EPS8: variants seen among roughly 807,000 people sequenced by gnomAD.
The protein encoded by EPS8 is EGFR pathway substrate 8, signaling adaptor, also known as epidermal growth factor receptor kinase substrate 8.
A neutral mutation model predicts 103.8 loss-of-function variants in EPS8; 42 were observed. The observed-to-expected ratio is 0.40, with a 90% CI of 0.32 to 0.52. The LOEUF (loss-of-function observed/expected upper bound fraction) is 0.52. Among genes scored for constraint, EPS8 ranks in the 20% least tolerant of loss-of-function variants. The pLI is 0.40. For synonymous variants in EPS8, 344 were observed against 344.6 expected, an observed-to-expected ratio of 1.00 and a Z score of 0.02; for missense variants, 969 against 1,005.1, an observed-to-expected ratio of 0.96 and a Z score of 0.49.
At chr12:15,622,052 G>A (rs1302105825) in intron 20 of EPS8, among the ~76,000 whole-genome samples, 1 of 152,158 alleles carries the variant, frequency 6.6e-6, no homozygotes, top group Non-Finnish European at 1.5e-5. Flanking sequence ...AATAGGAAGA[G>A]AACAAGAAGC....
At chr12:15,647,402 A>C in intron 14 of EPS8, 142 bp from the exon 15 acceptor site, 1 of 674,486 alleles carries the variant, frequency 1.5e-6, no homozygotes, top group Non-Finnish European at 2.4e-6. Flanking sequence ...ACATTATCAA[A>C]TGGGAGTGAC....
At position 15,666,499 on chromosome 12, in the gene EPS8, A is replaced by C. The variant is rs1388157592; in HGVS notation, c.540T>G (p.Ile180Met). ...EVKANLISED[I>M]ESAISDSKGG... is the part of the protein sequence containing the mutation. ...CTTTACTGTCACTGATTGCACTTTCAATATCTTCACTAATTAGGTTTGCCT... is the reference window on the plus strand; with the variant it reads ...CTTTACTGTCACTGATTGCACTTTCCATATCTTCACTAATTAGGTTTGCCT... The change falls in exon 7 of 21, where the codon ATT becomes ATG. Residue 180 changes from isoleucine to methionine, a missense_variant. Ile to Met is a conservative substitution (Grantham distance 10, BLOSUM62 1). Transcript: ENST00000281172. The C allele has an allele frequency of 6.2e-7, 1 of 1,613,804 alleles. No individual in the cohort carries two copies. The highest frequency in any genetic ancestry group is 1.1e-5 in the South Asian group (1 of 91,070).
At position 15,761,062 on chromosome 12, in the gene EPS8, A is replaced by G. The variant is rs1231219544; in HGVS notation, c.-22+28099T>C. Among the ~76,000 whole-genome samples, 2 of 152,114 alleles carry G rather than the reference A, an allele frequency of 1.3e-5. No individual in the cohort carries two copies. The highest frequency in any genetic ancestry group is 2.9e-5 in the Non-Finnish European group (2 of 67,984). On this transcript the variant is annotated intron_variant, in intron 1 of 20. Transcript: ENST00000281172. The surrounding 1 kb of genome is among the most constrained non-coding windows in gnomAD (Gnocchi z 4.5). ...TGGAAAAACCTAAAGACACCACATC[A>G]AAAACTATTAAAACTGATAAATTCA...
chr12:15,741,037 C>A (rs996261081), intron 1 of EPS8, among the ~76,000 whole-genome samples: 1 of 152,116 alleles, frequency 6.6e-6, no homozygotes, highest in Non-Finnish European at 1.5e-5. Flanking sequence ...AATTGGACTG[C>A]CCACAAAGAA....
chr12:15,698,366 A>G lies in EPS8; in HGVS notation c.-21-15394T>C, dbSNP rs1946268058. 6.6e-6 allele frequency among the ~76,000 whole-genome samples: 1 copy of G among 152,154 alleles called. No homozygotes were observed. Among genetic ancestry groups the G allele is most frequent in the Admixed American group, 6.5e-5 (1 of 15,280 alleles). On this transcript the variant is annotated intron_variant, in intron 1 of 20. Transcript: ENST00000281172. This position sits in a 1 kb window ranked among gnomAD's most constrained non-coding sequence, Gnocchi z 4.9. Reference sequence around the variant, plus strand: ...AAAAAATTCAGCAGCTCTAGCTTCTAACGAGAACTACTCAAGGAAAAGAAC... The same window carrying G: ...AAAAAATTCAGCAGCTCTAGCTTCTGACGAGAACTACTCAAGGAAAAGAAC...
At chr12:15,643,692 T>C (rs1164061577) in intron 15 of EPS8, among the ~76,000 whole-genome samples, 4 of 144,584 alleles carry the variant, frequency 2.8e-5, no homozygotes, top group African/African-American at 7.9e-5. Context: ...TAGGCCGATA[T>C]CGTGCCATTG....
rs1202498798 is a variant in EPS8, at chr12:15,751,053, A to C, written c.-22+38108T>G. On this transcript the variant is annotated intron_variant, in intron 1 of 20. Transcript: ENST00000281172. The surrounding 1 kb of genome is among the most constrained non-coding windows in gnomAD (Gnocchi z 4.3). ...ACAATAAGGACCAAATCCTTAGTTC[A>C]GCATTCAAGAATCCACATTATCACC... Among the ~76,000 whole-genome samples the C allele has an allele frequency of 1.3e-5, 2 of 152,186 alleles. No individual in the cohort carries two copies. Among genetic ancestry groups the C allele is most frequent in the Non-Finnish European group, 2.9e-5 (2 of 68,032 alleles).
intron 1 of EPS8, among the ~76,000 whole-genome samples, chr12:15,788,786 G>A (rs1381379589): frequency 2.0e-5 from 3 of 152,212 alleles, no homozygotes; most frequent in African/African-American, 7.2e-5. Context: ...CAAGTCTAAC[G>A]TAATAAGCCG....
intron 9 of EPS8, 41 bp downstream of exon 9, chr12:15,661,985 A>G (rs536986966): frequency 1.4e-6 from 2 of 1,431,998 alleles, no homozygotes; most frequent in African/African-American, 1.4e-5. Context: ...TTTTCCTCTT[A>G]AAAGAAAAGC....
rs769820275 is a variant in EPS8, at chr12:15,669,454, G to A, written c.449C>T (p.Ala150Val). Residue 150 changes from alanine (A) to valine (V), a missense_variant, in exon 6 of 21, where the codon GCA becomes GTA. Transcript: ENST00000281172. ...MHSCSYDSVL[A>V]LVCKEPTQNK... is the part of the protein sequence containing the mutation. ...CTGGGTTGGCTCTTTGCACACCAGTGCAAGAACTGAATCATAGCTGCATGA... is the reference window on the plus strand; with the variant it reads ...CTGGGTTGGCTCTTTGCACACCAGTACAAGAACTGAATCATAGCTGCATGA... 20 of 1,613,910 alleles carry A rather than the reference G, an allele frequency of 1.2e-5. No individual in the cohort carries two copies. In the Admixed American group the frequency reaches 3.0e-4, roughly 24 times the overall value.
intron 1 of EPS8, among the ~76,000 whole-genome samples, chr12:15,768,177 C>T (rs1339925354): frequency 3.3e-5 from 5 of 151,998 alleles, no homozygotes; most frequent in South Asian, 2.1e-4. Flanking sequence ...CGGTGGCTCA[C>T]GTTTGTAATC....
chr12:15,628,357 CA>C (rs1318536013), intron 18 of EPS8, among the ~76,000 whole-genome samples: 1 of 152,066 alleles, frequency 6.6e-6, no homozygotes, highest in African/African-American at 2.4e-5. Context: ...CCAGGAAGGA[CA>C]AAAAAACCTC....
At chr12:15,723,685 TA>T (rs1394578287) in intron 1 of EPS8, among the ~76,000 whole-genome samples, 1 of 152,176 alleles carries the variant, frequency 6.6e-6, no homozygotes, top group Non-Finnish European at 1.5e-5. Flanking sequence ...ATCCTTAAGT[TA>T]AAAACCACAT....
intron 15 of EPS8, among the ~76,000 whole-genome samples, chr12:15,646,920 G>C (rs917973064): frequency 3.3e-5 from 5 of 152,200 alleles, no homozygotes; most frequent in South Asian, 2.1e-4. Context: ...AAAGGCATTT[G>C]CACTAAATGG....
chr12:15,670,033 C>A (rs1436016876), intron 4 of EPS8, among the ~76,000 whole-genome samples: 1 of 152,106 alleles, frequency 6.6e-6, no homozygotes, highest in Non-Finnish European at 1.5e-5. Flanking sequence ...GGTGTTTTGA[C>A]TCATAAGATA....
At chr12:15,687,942 A>G (rs564173249) in intron 1 of EPS8, among the ~76,000 whole-genome samples, 3 of 152,356 alleles carry the variant, frequency 2.0e-5, no homozygotes, top group Non-Finnish European at 4.4e-5. Flanking sequence ...TGCTAAATGC[A>G]TTCTATTGTC....
intron 17 of EPS8, among the ~76,000 whole-genome samples, 177 bp downstream of exon 17, chr12:15,640,526 T>G (rs1945210113): frequency 6.6e-6 from 1 of 152,214 alleles, no homozygotes. Flanking sequence ...AGAAAACATA[T>G]GTGTAATTCT....
In EPS8 at chr12:15,638,316, C is replaced by A. The variant is rs536124852; in HGVS notation, c.1821+2387G>T. The stretch of plus-strand genomic sequence containing the variant: ...TTATAAATGTTTTGAGAATAGGAAT[C>A]CTTTTAGAGTAGGATTTATGCCAGA... On this transcript the variant is annotated intron_variant, in intron 17 of 20. Transcript: ENST00000281172. Among the ~76,000 whole-genome samples the A allele has an allele frequency of 5.3e-5, 8 of 152,032 alleles. No homozygotes were observed. The East Asian group carries it at 1.4e-3, about 26-fold the overall frequency.
Position 15,779,038 on chromosome 12 carries a change from C to T in EPS8, c.-22+10123G>A, listed in dbSNP as rs1306888254. 3.3e-5 allele frequency among the ~76,000 whole-genome samples: 5 copies of T among 152,052 alleles called. No individual in the cohort carries two copies. The highest frequency in any genetic ancestry group is 7.2e-5 in the African/African-American group (3 of 41,386). On this transcript the variant is annotated intron_variant, in intron 1 of 20. Coordinates refer to ENST00000281172, the MANE Select transcript of EPS8 (RefSeq NM_004447.6). This position sits in a 1 kb window ranked among gnomAD's most constrained non-coding sequence, Gnocchi z 4.3. ...TGTTGCCCAGGCTGGAGTGCAATGG[C>T]GCCATCTTGGCTCACCACAACCTCC... is the stretch of plus-strand genomic sequence containing the variant.
Sources: gnomAD v4.1 joint callset for allele counts (sites outside exome capture counted in the v4.1 genomes callset) on GRCh38, gnomAD v4.1.1 for gene constraint, Gnocchi (gnomAD v3.1) non-coding constraint, MANE v1.5 for transcripts, NCBI Gene and HGNC (gene_info 2026-07-23, HGNC 2026-07-21) for gene names.